The following THSD4 variants were observed in gnomAD, a reference collection of about 807,000 sequenced individuals.
THSD4 encodes the protein thrombospondin type 1 domain containing 4.
THSD4 carries 69 observed loss-of-function variants against 119.0 expected under a neutral mutation model. That is an observed-to-expected ratio of 0.58 (90% CI 0.48 to 0.71). The LOEUF (loss-of-function observed/expected upper bound fraction) is 0.71. THSD4 is among the 30% of genes least tolerant of loss of function. The pLI is 0.00. For missense variants in THSD4, 1,393 were observed against 1,391.1 expected, an observed-to-expected ratio of 1.00 and a Z score of -0.02; for synonymous variants, 524 against 540.4, an observed-to-expected ratio of 0.97 and a Z score of 0.42.
intron 6 of THSD4, among the ~76,000 whole-genome samples, chr15:71,321,475 G>A (rs2045267469): frequency 6.6e-6 from 1 of 152,162 alleles, no homozygotes; most frequent in South Asian, 2.1e-4. Context: ...GACAGAGGTT[G>A]CAGTGAGCCA....
intron 6 of THSD4, among the ~76,000 whole-genome samples, chr15:71,291,785 A>G (rs918920211): frequency 6.6e-6 from 1 of 151,986 alleles, no homozygotes; most frequent in African/African-American, 2.4e-5. Flanking sequence ...ACATCTATCC[A>G]TTTTTCTGAG....
chr15:71,316,713 C>T lies in THSD4; in HGVS notation c.1015+59998C>T, dbSNP rs552681414. Among the ~76,000 whole-genome samples the T allele has an allele frequency of 2.6e-5, 4 of 152,232 alleles. No individual in the cohort carries two copies. In the South Asian group the frequency reaches 8.3e-4, roughly 32 times the overall value. ...GCTGACCAGAGTGGGGCTCCCTGGA[C>T]CTGGGAAAGGCTGGGCCCCCAACAA... On this transcript the variant is annotated intron_variant, in intron 6 of 17. Coordinates refer to ENST00000261862, the MANE Select transcript of THSD4 (RefSeq NM_024817.3).
In THSD4 at chr15:71,757,924, G is replaced by A. The variant is rs1174901478; in HGVS notation, c.2438G>A (p.Gly813Glu). The change falls in exon 15 of 18, where the codon GGA becomes GAA. Residue 813 changes from glycine to glutamate, a missense_variant. Physicochemically the swap from Gly to Glu is moderately conservative, Grantham distance 98. Coordinates refer to ENST00000261862, the MANE Select transcript of THSD4 (RefSeq NM_024817.3). ...CAGTGCTCAGCGGAGTGTGGGGCCG[G>A]AGTGCGGACACGCTCGGTGGTGTGC... ...SERCSAECGA[G>E]VRTRSVVCMT... The A allele has an allele frequency of 1.2e-6, 2 of 1,613,700 alleles. No homozygotes were observed. The highest frequency in any genetic ancestry group is 1.7e-6 in the Non-Finnish European group (2 of 1,180,046).
At chr15:71,199,239 C>A (rs1249550609) in intron 3 of THSD4, among the ~76,000 whole-genome samples, 1 of 152,168 alleles carries the variant, frequency 6.6e-6, no homozygotes, top group Non-Finnish European at 1.5e-5. Flanking sequence ...CATCCCTTTC[C>A]TCCTTTCAGT....
At chr15:71,203,825 G>A (rs779373678) in intron 3 of THSD4, among the ~76,000 whole-genome samples, 2 of 152,198 alleles carry the variant, frequency 1.3e-5, no homozygotes, top group African/African-American at 4.8e-5. Context: ...GGATGCTGAT[G>A]CTTTCCATGA....
chr15:71,193,026 C>T (rs937028187), intron 3 of THSD4, among the ~76,000 whole-genome samples: 21 of 152,172 alleles, frequency 1.4e-4, no homozygotes, highest in African/African-American at 5.1e-4. Flanking sequence ...GTGGGACCTC[C>T]CCAGCCAAAC....
intron 1 of THSD4, among the ~76,000 whole-genome samples, chr15:71,108,170 G>T (rs577377876): frequency 6.6e-6 from 1 of 152,214 alleles, no homozygotes; most frequent in Non-Finnish European, 1.5e-5. Context: ...GGCTCAGGCT[G>T]CTGGGGCCTG....
chr15:71,523,176 A>G (rs1015440791), intron 7 of THSD4, among the ~76,000 whole-genome samples: 1 of 152,186 alleles, frequency 6.6e-6, no homozygotes, highest in African/African-American at 2.4e-5. Context: ...AACAACAGAA[A>G]TCAATTCTCT....
intron 6 of THSD4, among the ~76,000 whole-genome samples, chr15:71,411,283 T>A (rs751221884): frequency 3.3e-4 from 50 of 152,162 alleles, no homozygotes; most frequent in Non-Finnish European, 7.3e-5. Context: ...TACAATCCCT[T>A]CCCTCTATCA....
chr15:71,537,545 TCTTTC>T (rs1360205641), intron 7 of THSD4, among the ~76,000 whole-genome samples: 1 of 152,122 alleles, frequency 6.6e-6, no homozygotes, highest in East Asian at 1.9e-4. Flanking sequence ...TTACCATATA[TCTTTC>T]CTTTGTAATT....
intron 4 of THSD4, among the ~76,000 whole-genome samples, chr15:71,237,749 A>T (rs916765602): frequency 1.3e-5 from 2 of 152,100 alleles, no homozygotes; most frequent in Non-Finnish European, 2.9e-5. Flanking sequence ...GTTCCAGGTG[A>T]TGATTGCAGA....
In THSD4 at chr15:71,564,740, CAATATATAGTATAACATATAATACAA is replaced by C. The variant is rs1299065696; in HGVS notation, c.1153-95789_1153-95764del. 8.9e-5 allele frequency among the ~76,000 whole-genome samples: 7 copies of C among 78,340 alleles called. 1 individual carries two copies. The highest frequency in any genetic ancestry group is 2.8e-4 in the African/African-American group (5 of 17,656). 51.4% of individuals were successfully genotyped at this position (78,340 alleles called of 152,430 possible). ...ATATTGTATATTATAACATATAATA[CAATATATAGTATAACATATAATACAA>C]TATATATTGTATATTATAACATATA... On this transcript the variant is annotated intron_variant, in intron 7 of 17. Transcript: ENST00000261862.
intron 6 of THSD4, among the ~76,000 whole-genome samples, chr15:71,257,196 G>A (rs939179055): frequency 2.0e-5 from 3 of 152,078 alleles, no homozygotes; most frequent in Non-Finnish European, 2.9e-5. Flanking sequence ...GGCATTGCCC[G>A]TGAGTACAAG....
At chr15:71,623,682 G>A (rs2050457756) in intron 7 of THSD4, among the ~76,000 whole-genome samples, 1 of 152,192 alleles carries the variant, frequency 6.6e-6, no homozygotes, top group African/African-American at 2.4e-5. Context: ...CAGCACTTGA[G>A]AGGCCGAGGT....
intron 3 of THSD4, chr15:71,185,316 C>A (rs2043588007): frequency 6.6e-6 from 1 of 151,662 alleles, no homozygotes; most frequent in African/African-American, 2.4e-5. Context: ...AATATGTTGG[C>A]CATTGGAAAG....
intron 8 of THSD4, among the ~76,000 whole-genome samples, chr15:71,728,324 A>G (rs368374005): frequency 1.3e-5 from 2 of 152,198 alleles, no homozygotes; most frequent in East Asian, 1.9e-4. Context: ...TTCTATACTA[A>G]GTCCAAGTGA....
intron 5 of THSD4, among the ~76,000 whole-genome samples, chr15:71,253,917 G>T (rs558939024): frequency 6.6e-6 from 1 of 152,098 alleles, no homozygotes; most frequent in Non-Finnish European, 1.5e-5. Context: ...TTTCCAAGTC[G>T]TGAAACAGAC....
intron 2 of THSD4, among the ~76,000 whole-genome samples, chr15:71,148,367 C>T (rs1037045833): frequency 2.6e-5 from 4 of 152,350 alleles, no homozygotes; most frequent in Middle Eastern, 3.4e-3. Context: ...CTGGAGTTCT[C>T]AAGCCGAAGG....
intron 8 of THSD4, among the ~76,000 whole-genome samples, chr15:71,672,205 C>A (rs547363756): frequency 4.6e-5 from 7 of 152,212 alleles, no homozygotes; most frequent in South Asian, 2.1e-4. Context: ...CCTTCACATC[C>A]CTTGTAAGTT....
Sources: gnomAD v4.1 joint callset for allele counts (sites outside exome capture counted in the v4.1 genomes callset) on GRCh38, gnomAD v4.1.1 for gene constraint, MANE v1.5 for transcripts, NCBI Gene and HGNC (gene_info 2026-07-23, HGNC 2026-07-21) for gene names.